Variants in SNX27 observed in about 807,000 individuals in gnomAD.
The protein encoded by SNX27 is sorting nexin-27.
SNX27 carries 22 observed loss-of-function variants against 71.6 expected under a neutral mutation model. That is an observed-to-expected ratio of 0.31 (90% confidence interval 0.22 to 0.44). The LOEUF (loss-of-function observed/expected upper bound fraction) is 0.44. Among genes scored for constraint, SNX27 ranks in the 20% least tolerant of loss-of-function variants. The pLI is 1.00. For synonymous variants in SNX27, 269 were observed against 277.2 expected (o/e 0.97, Z 0.29); for missense variants, 531 against 698.6 (o/e 0.76, Z 2.70).
intron 7 of SNX27, among the ~76,000 whole-genome samples, chr1:151,674,146 G>A (rs982541721): frequency 5.9e-5 from 9 of 151,674 alleles, no homozygotes; most frequent in African/African-American, 2.2e-4. Context: ...CTTCCTTTTA[G>A]TGACGGTGAT....
At chr1:151,627,118 C>T (rs749186409) in intron 1 of SNX27, among the ~76,000 whole-genome samples, 37 of 152,170 alleles carry the variant, frequency 2.4e-4, no homozygotes, top group South Asian at 8.3e-4. Flanking sequence ...ATAAATACTT[C>T]TCTATGTAAC....
chr1:151,666,883 G>A (rs1670211259), intron 6 of SNX27: 1 of 151,920 alleles, frequency 6.6e-6, no homozygotes, highest in African/African-American at 2.4e-5. Context: ...CAGGACATCT[G>A]GATTCTAACC....
intron 2 of SNX27, among the ~76,000 whole-genome samples, chr1:151,643,751 C>T (rs2102644507): frequency 6.6e-6 from 1 of 152,156 alleles, no homozygotes; most frequent in African/African-American, 2.4e-5. Context: ...ACGTCTGCCT[C>T]CTGGGTTCAA....
chr1:151,679,822 G>C (rs1206215459), intron 7 of SNX27: 1 of 152,134 alleles, frequency 6.6e-6, no homozygotes, highest in Non-Finnish European at 1.5e-5. Context: ...GTGTTTGGGT[G>C]CTACAAGAGA....
intron 1 of SNX27, among the ~76,000 whole-genome samples, chr1:151,624,859 C>T (rs1361113837): frequency 6.6e-6 from 1 of 151,978 alleles, no homozygotes; most frequent in Non-Finnish European, 1.5e-5. Flanking sequence ...TATTTGTATA[C>T]TGATTGCCTT....
chr1:151,629,706 C>T (rs1412126690), intron 1 of SNX27, among the ~76,000 whole-genome samples: 1 of 150,698 alleles, frequency 6.6e-6, no homozygotes, highest in South Asian at 2.1e-4. Context: ...GCCTGAGCCT[C>T]CTGAGGGTCT....
At chr1:151,673,898 C>T (rs558176256) in intron 7 of SNX27, among the ~76,000 whole-genome samples, 1 of 151,970 alleles carries the variant, frequency 6.6e-6, no homozygotes, top group South Asian at 2.1e-4. Context: ...TATCTTTTTC[C>T]ATCCGTTTAT....
chr1:151,636,483 C>T (rs4845422), intron 1 of SNX27, among the ~76,000 whole-genome samples: 15 of 151,826 alleles, frequency 9.9e-5, no homozygotes, highest in Middle Eastern at 6.8e-3. Flanking sequence ...TGGTATATTT[C>T]GTATAGAGAC....
rs1027931307 is a variant in SNX27 at position 151,633,357 on chromosome 1, G to A, written c.312-5531G>A. On this transcript the variant is annotated intron_variant, in intron 1 of 11. Coordinates refer to ENST00000458013, the MANE Select transcript of SNX27 (RefSeq NM_001330723.2). ...TTTGTCACCTAGGCTGGAGTGCGGC[G>A]GTGAGATCTTGGCTCACTACAGCCT... 1.1e-4 allele frequency among the ~76,000 whole-genome samples: 16 copies of A among 152,120 alleles called. 1 individual carries two copies. The South Asian group carries it at 1.9e-3, about 18-fold the overall frequency.
chr1:151,662,068 T>TC (rs1669986438), intron 4 of SNX27, 98 bp from the exon 5 acceptor site: 1 of 752,298 alleles, frequency 1.3e-6, no homozygotes, highest in Non-Finnish European at 2.2e-6. Flanking sequence ...AACTCACTTC[T>TC]TCTCTACCAC....
chr1:151,652,861 G>T (rs1343392037), intron 2 of SNX27, among the ~76,000 whole-genome samples: 2 of 151,384 alleles, frequency 1.3e-5, no homozygotes, highest in Non-Finnish European at 2.9e-5. Context: ...ATAATATGCT[G>T]CCTGATAATT....
At chr1:151,681,233 A>ATT (rs1558071789) in intron 7 of SNX27, among the ~76,000 whole-genome samples, 2 of 87,376 alleles carry the variant, frequency 2.3e-5, no homozygotes, top group African/African-American at 1.0e-4. Flanking sequence ...TAGTCTCTCA[A>ATT]TCTTTTTTTT....
intron 7 of SNX27, among the ~76,000 whole-genome samples, chr1:151,674,595 TCGTG>T (rs1217204185): frequency 6.7e-6 from 1 of 149,740 alleles, no homozygotes; most frequent in African/African-American, 2.5e-5. Context: ...GCATGAGCCA[TCGTG>T]CCTAGCCAAA....
At position 151,673,322 on chromosome 1, in the gene SNX27, TACTTGATATTATTATAA is replaced by T. The variant is rs546046204; in HGVS notation, c.1149+4688_1149+4704del. Among the ~76,000 whole-genome samples the T allele has an allele frequency of 2.8e-4, 42 of 152,250 alleles. No homozygotes were observed. The South Asian group carries it at 8.5e-3, about 31-fold the overall frequency. ...TTGGTTTTATTCCATTATAGTCAGA[TACTTGATATTATTATAA>T]TATCACTATGGTCAGATACTTGATC... On this transcript the variant is annotated intron_variant, in intron 7 of 11. Coordinates refer to ENST00000458013, the MANE Select transcript of SNX27 (RefSeq NM_001330723.2).
At chr1:151,691,464 T>A (rs1399408055) in intron 8 of SNX27, among the ~76,000 whole-genome samples, 1 of 149,500 alleles carries the variant, frequency 6.7e-6, no homozygotes, top group Non-Finnish European at 1.5e-5. Context: ...TTTGTTTTTC[T>A]GGTTTTTTTT....
intron 2 of SNX27, among the ~76,000 whole-genome samples, chr1:151,654,551 T>A (rs1342115496): frequency 1.3e-5 from 2 of 152,164 alleles, no homozygotes; most frequent in Non-Finnish European, 2.9e-5. Context: ...TCTTTGCCTG[T>A]GCACTCTGAA....
At chr1:151,629,553 A>G (rs1346401379) in intron 1 of SNX27, 1 of 149,520 alleles carries the variant, frequency 6.7e-6, no homozygotes, top group Non-Finnish European at 1.5e-5. Flanking sequence ...ATATGTTTGT[A>G]TATATGTGTG....
Position 151,683,412 on chromosome 1 carries a change from A to G in SNX27, c.1206A>G (p.Leu402=). The G allele has an allele frequency of 6.2e-7, 1 of 1,613,934 alleles. No homozygotes were observed. The highest frequency in any genetic ancestry group is 8.5e-7 in the Non-Finnish European group (1 of 1,179,972). The change falls in exon 8 of 12, where the codon TTA becomes TTG. Residue 402 remains leucine, a synonymous_variant. Transcript: ENST00000458013. ...YIKAEEKSYQ[L]QKLYEQRKMV... is the part of the protein sequence containing the mutation. Reference sequence around the variant, plus strand: ...AAGCAGAAGAAAAGTCCTATCAATTACAGAAGCTATACGAACAAAGAAAAA... The same window carrying G: ...AAGCAGAAGAAAAGTCCTATCAATTGCAGAAGCTATACGAACAAAGAAAAA...
intron 1 of SNX27, among the ~76,000 whole-genome samples, chr1:151,620,800 C>T (rs1219688626): frequency 6.6e-6 from 1 of 151,864 alleles, no homozygotes; most frequent in Non-Finnish European, 1.5e-5. Flanking sequence ...AGCAATTCTC[C>T]TGCCTTAGCC....
Sources: allele counts gnomAD v4.1 joint callset (sites outside exome capture counted in the v4.1 genomes callset), GRCh38; gene constraint gnomAD v4.1.1; transcripts MANE v1.5; gene names NCBI Gene and HGNC (gene_info 2026-07-23, HGNC 2026-07-21).